The following SLMAP variants were observed in gnomAD, a reference collection of about 807,000 sequenced individuals.
The protein encoded by SLMAP is sarcolemmal membrane-associated protein.
SLMAP carries 44 observed loss-of-function variants against 128.8 expected under a neutral mutation model. The ratio of observed to expected loss-of-function variants is 0.34; its 90% CI spans 0.27 to 0.44. The LOEUF (loss-of-function observed/expected upper bound fraction) is 0.44, where lower values mean the gene tolerates loss of function less well. SLMAP is among the 20% of genes least tolerant of loss of function. The pLI, the probability that SLMAP is intolerant of heterozygous loss-of-function variation, is 1.00. For missense variants in SLMAP, 787 were observed against 985.3 expected, an observed-to-expected ratio of 0.80 and a Z score of 2.69; for synonymous variants, 327 against 348.8, an observed-to-expected ratio of 0.94 and a Z score of 0.70.
intron 13 of SLMAP, among the ~76,000 whole-genome samples, chr3:57,867,406 T>C (rs903313171): frequency 2.0e-5 from 3 of 152,208 alleles, no homozygotes; most frequent in African/African-American, 7.2e-5. Flanking sequence ...ACTGTTTTCA[T>C]ATTGTATTAA....
At chr3:57,835,154 A>G (rs1472406325) in intron 3 of SLMAP, among the ~76,000 whole-genome samples, 6 of 137,238 alleles carry the variant, frequency 4.4e-5, no homozygotes, top group African/African-American at 8.2e-5. Context: ...AAAAAATGCT[A>G]TTAGGCCAGA....
intron 14 of SLMAP, among the ~76,000 whole-genome samples, chr3:57,884,195 C>T (rs964520916): frequency 5.9e-5 from 9 of 152,118 alleles, no homozygotes; most frequent in Admixed American, 4.6e-4. Context: ...TCCCAATGTG[C>T]TGGGATTATA....
intron 2 of SLMAP, among the ~76,000 whole-genome samples, chr3:57,828,295 A>T (rs2093070093): frequency 6.6e-6 from 1 of 152,226 alleles, no homozygotes; most frequent in Non-Finnish European, 1.5e-5. Context: ...ACCTAACCTG[A>T]TAGTAAACAG....
chr3:57,823,992 G>A (rs989289066), intron 2 of SLMAP, among the ~76,000 whole-genome samples: 9 of 152,138 alleles, frequency 5.9e-5, no homozygotes, highest in African/African-American at 9.6e-5. Flanking sequence ...ATTTTTTCAT[G>A]TGTCTTTTGG....
intron 5 of SLMAP, among the ~76,000 whole-genome samples, chr3:57,848,987 G>A (rs1370525845): frequency 1.3e-5 from 2 of 151,910 alleles, no homozygotes; most frequent in Admixed American, 6.6e-5. Flanking sequence ...GGGATTACAG[G>A]CGTGAGCCAC....
intron 17 of SLMAP, chr3:57,901,438 T>C (rs2153666072): frequency 6.6e-6 from 1 of 152,332 alleles, no homozygotes; most frequent in South Asian, 2.1e-4. Flanking sequence ...ATTTTGAGTT[T>C]CATGGGACAA....
At position 57,910,282 on chromosome 3, in the gene SLMAP, C is replaced by T. The variant is rs371278697; in HGVS notation, c.1699+1132C>T. 3.6e-4 allele frequency among the ~76,000 whole-genome samples: 55 copies of T among 152,204 alleles called. 1 individual carries two copies. Among genetic ancestry groups the T allele is most frequent in the South Asian group, 1.0e-3 (5 of 4,814 alleles). ...TTGGCTCACTACAACCTCCGTCTCC[C>T]GAGTTCAAGTGATTCTGGAGCCTCC... On this transcript the variant is annotated intron_variant, in intron 19 of 24. Coordinates refer to ENST00000671191, the MANE Select transcript of SLMAP (RefSeq NM_001377540.1).
intron 2 of SLMAP, among the ~76,000 whole-genome samples, chr3:57,787,569 C>T (rs1384707945): frequency 2.6e-5 from 4 of 152,306 alleles, no homozygotes; most frequent in Admixed American, 6.5e-5. Context: ...CTCTGCCTCT[C>T]GGGTTCAAGT....
At chr3:57,818,033 T>C (rs1432279371) in intron 2 of SLMAP, among the ~76,000 whole-genome samples, 1 of 152,222 alleles carries the variant, frequency 6.6e-6, no homozygotes, top group Non-Finnish European at 1.5e-5. Flanking sequence ...AGATAGTGGA[T>C]ATAAAATTGC....
chr3:57,834,995 G>A (rs1017150893), intron 3 of SLMAP, among the ~76,000 whole-genome samples: 1 of 151,568 alleles, frequency 6.6e-6, no homozygotes, highest in Non-Finnish European at 1.5e-5. Flanking sequence ...GGTGGCGCAC[G>A]CCTGTAGTCC....
At chr3:57,783,227 C>T (rs138352861) in intron 2 of SLMAP, among the ~76,000 whole-genome samples, 27 of 152,028 alleles carry the variant, frequency 1.8e-4, no homozygotes, top group African/African-American at 5.6e-4. Flanking sequence ...GAAGGGGAAA[C>T]GTGTATCAAA....
At chr3:57,919,399 A>G (rs1221458158) in intron 22 of SLMAP, among the ~76,000 whole-genome samples, 4 of 151,604 alleles carry the variant, frequency 2.6e-5, no homozygotes, top group Admixed American at 1.3e-4. Flanking sequence ...AAAAAAAGTA[A>G]ATCTTAATCC....
intron 15 of SLMAP, chr3:57,891,156 C>G (rs1383431511): frequency 6.7e-6 from 1 of 150,022 alleles, no homozygotes; most frequent in Non-Finnish European, 1.5e-5. Flanking sequence ...ATCCAAATAC[C>G]TATTCAGATT....
rs138237456 is a variant in SLMAP, at chr3:57,791,970, G to C, written c.198+34121G>C. Reference sequence around the variant, plus strand: ...TATTTTAGTGGCCTGTCTTTTTATTGTGTTCAAAGGGAATTGTTTGAACTT... The same window carrying C: ...TATTTTAGTGGCCTGTCTTTTTATTCTGTTCAAAGGGAATTGTTTGAACTT... On this transcript the variant is annotated intron_variant, in intron 2 of 24. Coordinates refer to ENST00000671191, the MANE Select transcript of SLMAP (RefSeq NM_001377540.1). Among the ~76,000 whole-genome samples, 320 of 152,106 alleles carry C rather than the reference G, an allele frequency of 2.1e-3. 1 individual carries two copies. The highest frequency in any genetic ancestry group is 7.1e-3 in the African/African-American group (293 of 41,510).
chr3:57,778,387 A>C (rs926096871), intron 2 of SLMAP, among the ~76,000 whole-genome samples: 1 of 150,472 alleles, frequency 6.6e-6, no homozygotes, highest in African/African-American at 2.4e-5. Flanking sequence ...TTTCCATTAC[A>C]CTTTGGCTAG....
chr3:57,868,824 A>T (rs955704068), intron 13 of SLMAP, among the ~76,000 whole-genome samples: 2 of 137,562 alleles, frequency 1.5e-5, no homozygotes, highest in Non-Finnish European at 3.1e-5. Flanking sequence ...ATATATATAA[A>T]ATATATATAT....
At chr3:57,869,660 A>ATATATATATATATATAT (rs1553900183) in intron 13 of SLMAP, among the ~76,000 whole-genome samples, 11 of 81,356 alleles carry the variant, frequency 1.4e-4, no homozygotes, top group African/African-American at 2.8e-4. Flanking sequence ...ATATATATAT[A>ATATATATATATATATAT]ATATATATAA....
At chr3:57,845,314 G>A (rs531091603) in intron 4 of SLMAP, among the ~76,000 whole-genome samples, 11 of 152,292 alleles carry the variant, frequency 7.2e-5, no homozygotes, top group Admixed American at 3.3e-4. Context: ...AGTTTATGTA[G>A]GCTCAATGAA....
intron 2 of SLMAP, among the ~76,000 whole-genome samples, chr3:57,774,910 A>G (rs1272881687): frequency 6.6e-6 from 1 of 152,200 alleles, no homozygotes; most frequent in African/African-American, 2.4e-5. Context: ...GTATTCATAT[A>G]TATACTTAAA....
Sources: gnomAD v4.1 joint callset for allele counts (sites outside exome capture counted in the v4.1 genomes callset) on GRCh38, gnomAD v4.1.1 for gene constraint, MANE v1.5 for transcripts, NCBI Gene and HGNC (gene_info 2026-07-23, HGNC 2026-07-21) for gene names.